DDX6: variants seen among roughly 807,000 people sequenced by gnomAD.
DDX6 encodes the protein DEAD-box helicase 6.
In DDX6, 7 loss-of-function variants were observed where a neutral mutation model predicts 60.6. That is an observed-to-expected ratio of 0.12 (90% CI 0.07 to 0.22). DDX6 has a LOEUF of 0.22. DDX6 is among the 10% of genes least tolerant of loss of function. The probability of loss-of-function intolerance (pLI) is 1.00; values close to 1 mark genes in which losing one functional copy is unlikely to be tolerated. For missense variants in DDX6, 270 were observed against 589.9 expected, an observed-to-expected ratio of 0.46 and a Z score of 5.62; for synonymous variants, 207 against 201.0, an observed-to-expected ratio of 1.03 and a Z score of -0.25.
In DDX6 at chr11:118,768,271, G is replaced by C. The variant is rs1356364533; in HGVS notation, c.451C>G (p.Leu151Val). 6.2e-7 allele frequency: 1 copy of C among 1,613,674 alleles called. No individual in the cohort carries two copies. Among genetic ancestry groups the C allele is most frequent in the African/African-American group, 1.3e-5 (1 of 75,004 alleles). ...TCTAGCCGTTCAAGTAAGGGAATGA[G>C]GTAGGCACCGCTCTTGCCTGTTCCA... is the stretch of plus-strand genomic sequence containing the variant. ...KNGTGKSGAY[L>V]IPLLERLDLK... The change falls in exon 5 of 14, where the codon CTC becomes GTC. Residue 151 changes from leucine to valine, a missense_variant. Transcript: ENST00000534980.
intron 1 of DDX6, chr11:118,788,951 G>T (rs373181818): frequency 6.6e-6 from 1 of 152,234 alleles, no homozygotes; most frequent in South Asian, 2.1e-4. Context: ...AAAGTGCTAG[G>T]ATTACAGGCG....
intron 4 of DDX6, among the ~76,000 whole-genome samples, chr11:118,771,725 A>G (rs1394507473): frequency 1.3e-5 from 2 of 152,272 alleles, no homozygotes; most frequent in African/African-American, 2.4e-5. Context: ...GATCCTAAAC[A>G]GGATTAGTTT....
chr11:118,753,448 G>A lies in DDX6; in HGVS notation c.*7+1257C>T, dbSNP rs555559374. Among the ~76,000 whole-genome samples, 22 of 144,850 alleles carry A rather than the reference G, an allele frequency of 1.5e-4. No homozygotes were observed. The East Asian group carries it at 2.1e-3, about 14-fold the overall frequency. ...TCCACCTCCCAGGTTCAAGTGATTC[G>A]CCTGCCTCAGCCTCCCGAGTAGCTG... On this transcript the variant is annotated intron_variant, in intron 13 of 13. Transcript: ENST00000534980.
chr11:118,751,711 G>A lies in DDX6; in HGVS notation c.*394C>T, dbSNP rs1555157402. ...AAAACGGATGAGGAATCAGGGAGAA[G>A]TTGAAATGCACGAGAGTCAGCTGTT... On this transcript the variant is annotated 3_prime_UTR_variant, in exon 14 of 14. Coordinates refer to ENST00000534980, the MANE Select transcript of DDX6 (RefSeq NM_004397.6). 1 of 282,156 alleles carries A rather than the reference G, an allele frequency of 3.5e-6. No individual in the cohort carries two copies. The highest frequency in any genetic ancestry group is 2.3e-5 in the African/African-American group (1 of 43,934). 17.5% of individuals were successfully genotyped at this position (282,156 alleles called of 1,614,324 possible). A position where few individuals can be genotyped will look rare whatever the true frequency, so the allele number is the denominator to read the frequency against.
chr11:118,761,304 C>T (rs1293082686), intron 7 of DDX6, among the ~76,000 whole-genome samples: 1 of 152,022 alleles, frequency 6.6e-6, no homozygotes, highest in African/African-American at 2.4e-5. Flanking sequence ...GTAGTAACTA[C>T]TTTACCGGGA....
intron 4 of DDX6, among the ~76,000 whole-genome samples, chr11:118,769,750 G>C (rs1555162080): frequency 6.6e-6 from 1 of 152,144 alleles, no homozygotes; most frequent in African/African-American, 2.4e-5. Flanking sequence ...TGTCGCCCAG[G>C]CTGGAGTGCA....
chr11:118,788,406 TG>T (rs1862152300), intron 1 of DDX6: 1 of 152,240 alleles, frequency 6.6e-6, no homozygotes, highest in Non-Finnish European at 1.5e-5. Context: ...TATTTTTTAT[TG>T]TATTTTTTGA....
intron 4 of DDX6, among the ~76,000 whole-genome samples, chr11:118,771,345 T>C (rs1861528241): frequency 6.6e-6 from 1 of 152,248 alleles, no homozygotes; most frequent in Admixed American, 6.5e-5. Flanking sequence ...GGCCATTGAC[T>C]TCTATTCCTT....
At chr11:118,777,897 G>GAAAAAAAAAAAAAAAAAAAAAAAAAAAAA (rs374046858) in intron 4 of DDX6, among the ~76,000 whole-genome samples, 1 of 99,652 alleles carries the variant, frequency 1.0e-5, no homozygotes. Context: ...TCAAAAAAGA[G>GAAAAAAAAAAAAAAAAAAAAAAAAAAAAA]AAAAAAAAAA....
intron 2 of DDX6, 76 bp from the exon 3 acceptor site, chr11:118,781,260 T>G: frequency 1.1e-6 from 1 of 925,600 alleles, no homozygotes; most frequent in Non-Finnish European, 1.7e-6. Context: ...CAATTATAAT[T>G]AAGTGTTAAA....
At chr11:118,764,821 T>TACACACACAC (rs59605753) in intron 6 of DDX6, among the ~76,000 whole-genome samples, 3,565 of 138,958 alleles carry the variant, frequency 0.026, 122 homozygotes, top group East Asian at 0.13. Context: ...AAAAAAAATA[T>TACACACACAC]ACACACACAC....
chr11:118,749,870 C>G lies in DDX6; in HGVS notation c.*2235G>C, dbSNP rs1286101610. ...TATTTAGTAACCAACATTGACTGGA[C>G]AGAAAATATGAGGCTTGGGTTCCAA... On this transcript the variant is annotated 3_prime_UTR_variant, in exon 14 of 14. Transcript: ENST00000534980. The G allele has an allele frequency of 6.6e-6, 1 of 152,480 alleles. No homozygotes were observed. The highest frequency in any genetic ancestry group is 2.4e-5 in the African/African-American group (1 of 41,416). The allele number at this position is 152,480 out of a possible 1,614,324, so 9.4% of individuals were successfully genotyped here.
chr11:118,783,944 C>T (rs898146271), intron 2 of DDX6, among the ~76,000 whole-genome samples: 6 of 151,356 alleles, frequency 4.0e-5, no homozygotes, highest in South Asian at 2.1e-4. Flanking sequence ...GACAAAACGC[C>T]GTCGCTACTG....
chr11:118,765,176 G>C (rs1555161048), intron 6 of DDX6, 33 bp downstream of exon 6: 73 of 1,605,866 alleles, frequency 4.5e-5, no homozygotes, highest in Non-Finnish European at 6.1e-5. Context: ...AAATAACAGA[G>C]AGCTACACTA....
At position 118,751,759 on chromosome 11, in the gene DDX6, A is replaced by C. The variant is rs1388955021; in HGVS notation, c.*346T>G. ...GTTGGAGAATTTTGAAATCATTGAC[A>C]AGCTTGTGTGTTCATTAAGATTCTT... On this transcript the variant is annotated 3_prime_UTR_variant, in exon 14 of 14. Coordinates refer to ENST00000534980, the MANE Select transcript of DDX6 (RefSeq NM_004397.6). The C allele has an allele frequency of 3.2e-6, 1 of 315,622 alleles. No individual in the cohort carries two copies. The highest frequency in any genetic ancestry group is 6.2e-6 in the Non-Finnish European group (1 of 160,724). 19.6% of individuals were successfully genotyped at this position (315,622 alleles called of 1,614,324 possible). A position where few individuals can be genotyped will look rare whatever the true frequency, so the allele number is the denominator to read the frequency against.
chr11:118,749,104 T>C lies in DDX6; in HGVS notation c.*3001A>G, dbSNP rs1476610268. 2 of 151,848 alleles carry C rather than the reference T, an allele frequency of 1.3e-5. No individual in the cohort carries two copies. Among genetic ancestry groups the C allele is most frequent in the Admixed American group, 6.6e-5 (1 of 15,226 alleles). The allele number at this position is 151,848 out of a possible 1,614,324, so 9.4% of individuals were successfully genotyped here. ...CAGTATTTATCCCCATCAGAATATA[T>C]GGGGAAAGAAAAAACATAGGCCTAG... On this transcript the variant is annotated 3_prime_UTR_variant, in exon 14 of 14. Transcript: ENST00000534980.
chr11:118,774,469 T>C (rs989488215), intron 4 of DDX6, among the ~76,000 whole-genome samples: 1 of 149,388 alleles, frequency 6.7e-6, no homozygotes, highest in Non-Finnish European at 1.5e-5. Context: ...ACAGTCTTTT[T>C]TTTTTTTTTT....
At chr11:118,773,929 C>G (rs1555163125) in intron 4 of DDX6, among the ~76,000 whole-genome samples, 1 of 151,438 alleles carries the variant, frequency 6.6e-6, no homozygotes, top group African/African-American at 2.4e-5. Context: ...TTTTTTCAAT[C>G]ATGATAAACC....
intron 6 of DDX6, among the ~76,000 whole-genome samples, chr11:118,764,821 T>TACAC (rs59605753): frequency 3.1e-4 from 43 of 139,018 alleles, no homozygotes; most frequent in South Asian, 1.8e-3. Context: ...AAAAAAAATA[T>TACAC]ACACACACAC....
Sources: allele counts gnomAD v4.1 joint callset (sites outside exome capture counted in the v4.1 genomes callset), GRCh38; gene constraint gnomAD v4.1.1; transcripts MANE v1.5; gene names NCBI Gene and HGNC (gene_info 2026-07-23, HGNC 2026-07-21).